Variants in MICAL3 observed in about 807,000 individuals in gnomAD.
The protein encoded by MICAL3 is [F-actin]-monooxygenase MICAL3.
A neutral mutation model predicts 207.4 loss-of-function variants in MICAL3; 62 were observed. The observed-to-expected ratio is 0.30, with a 90% CI of 0.24 to 0.37. The LOEUF (loss-of-function observed/expected upper bound fraction) is 0.37. Ranked by LOEUF, MICAL3 falls within the 10% of genes least tolerant of loss-of-function variation. MICAL3 has a pLI of 1.00. For missense variants in MICAL3, 2,368 were observed against 2,635.6 expected, an observed-to-expected ratio of 0.90 and a Z score of 2.22; for synonymous variants, 1,077 against 1,069.3, an observed-to-expected ratio of 1.01 and a Z score of -0.14.
chr22:17,808,817 A>G, intron 29 of MICAL3, 27 bp downstream of exon 29: 3 of 1,537,540 alleles, frequency 2.0e-6, no homozygotes, highest in Non-Finnish European at 2.6e-6. Context: ...CTCCAGGAGC[A>G]GAGCTTAGGA....
At position 17,961,030 on chromosome 22, in the gene MICAL3, C is replaced by T. The variant is rs115294664; in HGVS notation, c.-74-54144G>A. Among the ~76,000 whole-genome samples the T allele has an allele frequency of 9.4e-3, 1,424 of 152,170 alleles. 22 individuals carry two copies. Among genetic ancestry groups the T allele is most frequent in the African/African-American group, 0.032 (1,332 of 41,488 alleles). On this transcript the variant is annotated intron_variant, in intron 1 of 31. Transcript: ENST00000441493. ...GAGTCTGAGCAGGGAAGAATGACAT[C>T]GCTACCGTGTGTTACCAGGGGCTCC...
At chr22:17,907,216 GA>G (rs996559199) in intron 1 of MICAL3, among the ~76,000 whole-genome samples, 4 of 131,450 alleles carry the variant, frequency 3.0e-5, no homozygotes, top group South Asian at 2.4e-4. Flanking sequence ...TATTGGTGGT[GA>G]AGGGGGGGGG....
At chr22:17,886,836 G>T (rs1371008298) in intron 15 of MICAL3, among the ~76,000 whole-genome samples, 7 of 146,376 alleles carry the variant, frequency 4.8e-5, no homozygotes, top group African/African-American at 1.8e-4. Context: ...ACAAAAATTA[G>T]CTGGGTGTGG....
chr22:17,814,566 G>C (rs1032871130), intron 27 of MICAL3: 1 of 152,116 alleles, frequency 6.6e-6, no homozygotes, highest in Admixed American at 6.6e-5. Flanking sequence ...GTTTTTGTTT[G>C]GTTTGTTTTC....
At chr22:17,848,337 T>G (rs879771749) in intron 19 of MICAL3, among the ~76,000 whole-genome samples, 10 of 152,202 alleles carry the variant, frequency 6.6e-5, no homozygotes, top group Non-Finnish European at 1.3e-4. Flanking sequence ...ACAGTCCCTA[T>G]GTTCTCCCAC....
At chr22:17,883,450 C>T (rs1181868544) in intron 16 of MICAL3, among the ~76,000 whole-genome samples, 2 of 152,324 alleles carry the variant, frequency 1.3e-5, no homozygotes, top group South Asian at 2.1e-4. Context: ...GCACAGGAGG[C>T]TGGGGAGACC....
chr22:17,923,869 T>C (rs910050897), intron 1 of MICAL3, among the ~76,000 whole-genome samples: 2 of 152,208 alleles, frequency 1.3e-5, no homozygotes, highest in Non-Finnish European at 2.9e-5. Context: ...TAAAGACATA[T>C]CTGAGACTGG....
At position 17,817,599 on chromosome 22, in the gene MICAL3, A is replaced by C; in HGVS notation, c.5062T>G (p.Ser1688Ala). 2 of 1,613,166 alleles carry C rather than the reference A, an allele frequency of 1.2e-6. No homozygotes were observed. The highest frequency in any genetic ancestry group is 1.7e-6 in the Non-Finnish European group (2 of 1,179,794). ...DSGGPDGSFT[S>A]SEGSSGKSKK... ...CTCTTCCCACTGGAGCCCTCGGATGAAGTGAAAGAGCCATCTGGGCCCCCT... is the reference window on the plus strand; with the variant it reads ...CTCTTCCCACTGGAGCCCTCGGATGCAGTGAAAGAGCCATCTGGGCCCCCT... The change falls in exon 26 of 32, where the codon TCA becomes GCA. Residue 1688 changes from serine (S) to alanine (A), a missense_variant. This residue lies in a region of MICAL3 where 1,770 missense variants were observed against 1,863.2 expected (regional missense o/e 0.95). Coordinates refer to ENST00000441493, the MANE Select transcript of MICAL3 (RefSeq NM_015241.3).
Position 17,810,280 on chromosome 22 carries a change from G to A in MICAL3, c.5556+423C>T, listed in dbSNP as rs372832399. 6.0e-3 allele frequency among the ~76,000 whole-genome samples: 917 copies of A among 152,100 alleles called. 4 individuals carry two copies. The highest frequency in any genetic ancestry group is 0.015 in the African/African-American group (626 of 41,482). On this transcript the variant is annotated intron_variant, in intron 28 of 31. Transcript: ENST00000441493. Reference sequence around the variant, plus strand: ...GGGTTTCACCGTGTTAGCCAGGATGGTCTCAATCTCCTGACCTTGTGATCC... The same window carrying A: ...GGGTTTCACCGTGTTAGCCAGGATGATCTCAATCTCCTGACCTTGTGATCC...
At chr22:17,804,028 C>T (rs2061965633) in intron 29 of MICAL3, among the ~76,000 whole-genome samples, 1 of 152,208 alleles carries the variant, frequency 6.6e-6, no homozygotes, top group South Asian at 2.1e-4. Context: ...TGCCTAAGTG[C>T]ATCACATACT....
In MICAL3 at chr22:17,796,137, G is replaced by A. The variant is rs772789391; in HGVS notation, c.5651-4836C>T. ...CGCTGGCCACCCCTCCTGAGCTCCC[G>A]AGCAGTGAGCGGGTCCTGGTCAGAG... On this transcript the variant is annotated intron_variant, in intron 29 of 31. Transcript: ENST00000441493. The surrounding 1 kb of genome is among the most constrained non-coding windows in gnomAD (Gnocchi z 4.4). 1.4e-4 allele frequency among the ~76,000 whole-genome samples: 21 copies of A among 152,182 alleles called. No individual in the cohort carries two copies. Among genetic ancestry groups the A allele is most frequent in the African/African-American group, 2.2e-4 (9 of 41,424 alleles).
At chr22:17,907,202 T>C (rs1931790996) in intron 1 of MICAL3, among the ~76,000 whole-genome samples, 1 of 145,504 alleles carries the variant, frequency 6.9e-6, no homozygotes, top group Non-Finnish European at 1.5e-5. Context: ...AGGATCTAAG[T>C]CACTATTGGT....
chr22:17,909,854 C>T (rs565991591), intron 1 of MICAL3, among the ~76,000 whole-genome samples: 1 of 152,310 alleles, frequency 6.6e-6, no homozygotes, highest in East Asian at 1.9e-4. Context: ...AGGTCCCACA[C>T]CATTTTCTAC....
chr22:17,829,671 C>T lies in MICAL3; in HGVS notation c.3056-1890G>A, dbSNP rs1223511077. Among the ~76,000 whole-genome samples, 6 of 152,316 alleles carry T rather than the reference C, an allele frequency of 3.9e-5. No individual in the cohort carries two copies. The Middle Eastern group carries it at 0.01, about 261-fold the overall frequency. On this transcript the variant is annotated intron_variant, in intron 21 of 31. Transcript: ENST00000441493. ...AATACATGCAGCCTTGGGGACTTAT[C>T]GACAGCACAAGCCAGCATTTCCTCC...
chr22:17,881,983 G>A (rs1929480216), intron 16 of MICAL3, among the ~76,000 whole-genome samples: 1 of 147,018 alleles, frequency 6.8e-6, no homozygotes, highest in Non-Finnish European at 1.5e-5. Context: ...ACATTCCCAG[G>A]CCTCTCTGAT....
chr22:18,016,853 T>C (rs1924086310), intron 1 of MICAL3, among the ~76,000 whole-genome samples: 2 of 151,304 alleles, frequency 1.3e-5, no homozygotes, highest in South Asian at 4.2e-4. Context: ...GGCAGGAGAA[T>C]GGCGTGAACC....
At chr22:18,016,186 C>A (rs887105419) in intron 1 of MICAL3, among the ~76,000 whole-genome samples, 1 of 152,196 alleles carries the variant, frequency 6.6e-6, no homozygotes, top group Non-Finnish European at 1.5e-5. Context: ...CATTATGTTG[C>A]GGTTTTGAAA....
intron 19 of MICAL3, among the ~76,000 whole-genome samples, chr22:17,853,449 G>A (rs1329670851): frequency 6.6e-6 from 1 of 152,240 alleles, no homozygotes; most frequent in African/African-American, 2.4e-5. Context: ...TACACAGCCA[G>A]TAGAAATGAT....
intron 1 of MICAL3, among the ~76,000 whole-genome samples, chr22:17,908,295 G>C (rs4819647): frequency 6.6e-6 from 1 of 151,834 alleles, no homozygotes; most frequent in Non-Finnish European, 1.5e-5. Flanking sequence ...GTTAGACAGC[G>C]CCCCTAAGAC....
Sources: allele counts gnomAD v4.1 joint callset (sites outside exome capture counted in the v4.1 genomes callset), GRCh38; gene constraint gnomAD v4.1.1; regional missense constraint gnomAD v4.1.1; non-coding constraint Gnocchi (gnomAD v3.1); transcripts MANE v1.5; gene names NCBI Gene and HGNC (gene_info 2026-07-23, HGNC 2026-07-21).